Variants in FBXO31 observed in about 807,000 individuals in gnomAD.
FBXO31 encodes the protein F-box protein 31, also known as F-box only protein 31.
FBXO31 carries 24 observed loss-of-function variants against 54.4 expected under a neutral mutation model. The observed-to-expected ratio is 0.44, with a 90% confidence interval of 0.32 to 0.62. The LOEUF (loss-of-function observed/expected upper bound fraction) is 0.62, where lower values mean the gene tolerates loss of function less well. FBXO31 is among the 20% of genes least tolerant of loss of function. FBXO31 has a pLI of 0.05. For synonymous variants in FBXO31, 388 were observed against 335.6 expected, an observed-to-expected ratio of 1.16 and a Z score of -1.71; for missense variants, 665 against 787.1, an observed-to-expected ratio of 0.84 and a Z score of 1.86.
chr16:87,392,093 T>C, upstream of FBXO31: 2 of 248,906 alleles, frequency 8.0e-6, no homozygotes, highest in Non-Finnish European at 7.7e-6. Flanking sequence ...CTCAGGGGCC[T>C]CAGGCGCCCA....
chr16:87,371,747 A>G (rs1406305331), intron 1 of FBXO31, among the ~76,000 whole-genome samples: 3 of 152,254 alleles, frequency 2.0e-5, no homozygotes, highest in Admixed American at 1.3e-4. Flanking sequence ...TCATTGCATT[A>G]CAAACAGGAT....
chr16:87,391,366 G>A (rs1907540640), upstream of FBXO31, among the ~76,000 whole-genome samples: 1 of 152,228 alleles, frequency 6.6e-6, no homozygotes, highest in Admixed American at 6.5e-5. Flanking sequence ...ACAGGCTGAG[G>A]TGGGCAATAG....
chr16:87,331,135 A>T lies in FBXO31; in HGVS notation c.*153T>A. On this transcript the variant is annotated 3_prime_UTR_variant, in exon 9 of 9. Transcript: ENST00000311635. ...TGCAGGTCTATGTCACACTCTCTAC[A>T]TAAAGTGCTGGGGGGTGGCTGGACT... 1 of 659,880 alleles carries T rather than the reference A, an allele frequency of 1.5e-6. No individual in the cohort carries two copies. Among genetic ancestry groups the T allele is most frequent in the South Asian group, 1.9e-5 (1 of 53,204 alleles). 40.9% of individuals were successfully genotyped at this position (659,880 alleles called of 1,614,324 possible).
In FBXO31 at chr16:87,382,086, T is replaced by G. The variant is rs373128266; in HGVS notation, c.340+1319A>C. On this transcript the variant is annotated intron_variant, in intron 1 of 8. Coordinates refer to ENST00000311635, the MANE Select transcript of FBXO31 (RefSeq NM_024735.5). ...AATCTCAGAAGTTCCCAAGGATACA[T>G]GTCAATCTCCTAAATTTCTATAAAA... Among the ~76,000 whole-genome samples the G allele has an allele frequency of 4.9e-4, 73 of 148,892 alleles. No homozygotes were observed. In the South Asian group the frequency reaches 0.015, roughly 31 times the overall value.
chr16:87,349,220 G>A (rs1378070580), intron 2 of FBXO31, among the ~76,000 whole-genome samples: 28 of 152,214 alleles, frequency 1.8e-4, no homozygotes, highest in Non-Finnish European at 1.5e-5. Context: ...AGAGCAGCCA[G>A]TGACACTCCA....
chr16:87,369,037 C>G (rs1906485434), intron 1 of FBXO31, among the ~76,000 whole-genome samples: 2 of 152,256 alleles, frequency 1.3e-5, no homozygotes, highest in South Asian at 4.2e-4. Flanking sequence ...GATCTGCCTG[C>G]CTCGGCCTCC....
At chr16:87,390,631 G>A (rs1907500419), upstream of FBXO31, among the ~76,000 whole-genome samples, 1 of 151,918 alleles carries the variant, frequency 6.6e-6, no homozygotes, top group Admixed American at 6.6e-5. Context: ...AGTAGAGATG[G>A]GGGTTTCGCC....
intron 2 of FBXO31, among the ~76,000 whole-genome samples, chr16:87,347,693 A>C (rs902897438): frequency 6.6e-6 from 1 of 151,862 alleles, no homozygotes; most frequent in African/African-American, 2.4e-5. Flanking sequence ...AAAAAAAAAA[A>C]AAAAAAAACT....
intron 2 of FBXO31, among the ~76,000 whole-genome samples, chr16:87,357,257 G>T (rs1597370481): frequency 6.6e-6 from 1 of 151,632 alleles, no homozygotes; most frequent in African/African-American, 2.4e-5. Context: ...AAAAAAAAGT[G>T]GAGACAGCAT....
At chr16:87,391,028 CTTTCAAAGTATTAGAT>C (rs1907522468), upstream of FBXO31, among the ~76,000 whole-genome samples, 1 of 152,190 alleles carries the variant, frequency 6.6e-6, no homozygotes, top group Non-Finnish European at 1.5e-5. Flanking sequence ...CTATGGGGCT[CTTTCAAAGTATTAGAT>C]GTTAAAGAAC....
chr16:87,342,871 G>T lies in FBXO31; in HGVS notation c.732+6C>A. The T allele has an allele frequency of 6.3e-7, 1 of 1,594,476 alleles. No homozygotes were observed. On this transcript the variant is annotated splice_donor_region_variant and intron_variant, in intron 5 of 8. Coordinates refer to ENST00000311635, the MANE Select transcript of FBXO31 (RefSeq NM_024735.5). ...ATATGAACACAGGGCCGGCTGGTGG[G>T]CTCACCTCCTGCCTCCCGCCGGACA...
rs1443672337 is a variant in FBXO31, at chr16:87,345,197, G to GGTTCTTGCT, written c.490-1433_490-1432insAGCAAGAAC. Among the ~76,000 whole-genome samples the GGTTCTTGCT allele has an allele frequency of 6.6e-6, 1 of 152,138 alleles. No homozygotes were observed. Among genetic ancestry groups the GGTTCTTGCT allele is most frequent in the Admixed American group, 6.5e-5 (1 of 15,282 alleles). Reference sequence around the variant, plus strand: ...GGAGCACAATCCCAACACCAGCACCGGATTTTCAACACAGCAAGAACGATG... The same window carrying GGTTCTTGCT: ...GGAGCACAATCCCAACACCAGCACCGGTTCTTGCTGATTTTCAACACAGCAAGAACGATG... On this transcript the variant is annotated intron_variant, in intron 3 of 8. Coordinates refer to ENST00000311635, the MANE Select transcript of FBXO31 (RefSeq NM_024735.5). This position sits in a 1 kb window ranked among gnomAD's most constrained non-coding sequence, Gnocchi z 4.9.
At position 87,358,202 on chromosome 16, in the gene FBXO31, C is replaced by G. The variant is rs1458043662; in HGVS notation, c.412+2093G>C. 2.0e-5 allele frequency among the ~76,000 whole-genome samples: 3 copies of G among 152,180 alleles called. No homozygotes were observed. The highest frequency in any genetic ancestry group is 4.4e-5 in the Non-Finnish European group (3 of 68,034). On this transcript the variant is annotated intron_variant, in intron 2 of 8. Coordinates refer to ENST00000311635, the MANE Select transcript of FBXO31 (RefSeq NM_024735.5). This position sits in a 1 kb window ranked among gnomAD's most constrained non-coding sequence, Gnocchi z 4.0. ...CCACTGCAGAAAGGTAAGCCAAATG[C>G]AGCCTGGGTCCAACACACAGGTGTG... is the stretch of plus-strand genomic sequence containing the variant.
intron 2 of FBXO31, among the ~76,000 whole-genome samples, chr16:87,359,785 G>A (rs924916007): frequency 6.6e-6 from 1 of 152,214 alleles, no homozygotes; most frequent in African/African-American, 2.4e-5. Context: ...ATCGGTGAGT[G>A]TCACAGTTGA....
In FBXO31 at chr16:87,345,514, T is replaced by G. The variant is rs931673386; in HGVS notation, c.489+1660A>C. Among the ~76,000 whole-genome samples, 2 of 152,110 alleles carry G rather than the reference T, an allele frequency of 1.3e-5. No individual in the cohort carries two copies. Among genetic ancestry groups the G allele is most frequent in the Non-Finnish European group, 2.9e-5 (2 of 68,022 alleles). ...ACTGTGTTGAATGAGCAGCTACTTT[T>G]CAACATAAATTGGCAGGTGACCGAG... On this transcript the variant is annotated intron_variant, in intron 3 of 8. Transcript: ENST00000311635. This position sits in a 1 kb window ranked among gnomAD's most constrained non-coding sequence, Gnocchi z 4.9.
chr16:87,340,550 A>G (rs902388577), intron 5 of FBXO31, among the ~76,000 whole-genome samples: 4 of 152,276 alleles, frequency 2.6e-5, no homozygotes, highest in African/African-American at 9.6e-5. Context: ...CAGACACAAG[A>G]GAAAAATAAA....
chr16:87,349,782 A>G (rs982420740), intron 2 of FBXO31, among the ~76,000 whole-genome samples: 1 of 150,610 alleles, frequency 6.6e-6, no homozygotes, highest in African/African-American at 2.5e-5. Flanking sequence ...TGGTGGCATG[A>G]GTTATGGTCC....
intron 2 of FBXO31, among the ~76,000 whole-genome samples, chr16:87,359,292 G>A (rs898679056): frequency 5.9e-5 from 9 of 151,948 alleles, no homozygotes; most frequent in African/African-American, 1.9e-4. Flanking sequence ...CCCTACCCTC[G>A]GCCACACTGC....
chr16:87,361,266 C>G lies in FBXO31; in HGVS notation c.341-900G>C, dbSNP rs189027329. Among the ~76,000 whole-genome samples the G allele has an allele frequency of 1.5e-4, 23 of 152,354 alleles. 2 individuals carry two copies. The East Asian group carries it at 4.2e-3, about 28-fold the overall frequency. ...GTCACCACTGTCATCTCCATTTTAA[C>G]AGAGAAAACAAGTGCAGAGAGGTGA... is the stretch of plus-strand genomic sequence containing the variant. On this transcript the variant is annotated intron_variant, in intron 1 of 8. Transcript: ENST00000311635.
Sources: gnomAD v4.1 joint callset for allele counts (sites outside exome capture counted in the v4.1 genomes callset) on GRCh38, gnomAD v4.1.1 for gene constraint, Gnocchi (gnomAD v3.1) non-coding constraint, MANE v1.5 for transcripts, NCBI Gene and HGNC (gene_info 2026-07-23, HGNC 2026-07-21) for gene names.